Variants in SLC17A8 observed in about 807,000 individuals in gnomAD.
SLC17A8 encodes vesicular glutamate transporter 3.
A neutral mutation model predicts 58.0 loss-of-function variants in SLC17A8; 31 were observed. The observed-to-expected ratio is 0.53, with a 90% CI of 0.40 to 0.72. The LOEUF (loss-of-function observed/expected upper bound fraction) is 0.72. Ranked by LOEUF, SLC17A8 falls within the 30% of genes least tolerant of loss-of-function variation. SLC17A8 has a pLI of 0.00. For missense variants in SLC17A8, 655 were observed against 727.8 expected, an observed-to-expected ratio of 0.90 and a Z score of 1.15; for synonymous variants, 228 against 249.0, an observed-to-expected ratio of 0.92 and a Z score of 0.79.
intron 2 of SLC17A8, among the ~76,000 whole-genome samples, chr12:100,389,471 C>T (rs1233255108): frequency 1.3e-5 from 2 of 152,056 alleles, no homozygotes; most frequent in African/African-American, 4.8e-5. Flanking sequence ...TAGTAAATAA[C>T]TTAGTAGCCC....
chr12:100,385,392 C>T (rs571876819), intron 2 of SLC17A8, among the ~76,000 whole-genome samples: 5 of 152,072 alleles, frequency 3.3e-5, no homozygotes, highest in Admixed American at 2.0e-4. Context: ...CATGCCACAA[C>T]GCCCAGCTAA....
At chr12:100,389,915 G>C (rs980585951) in intron 2 of SLC17A8, among the ~76,000 whole-genome samples, 4 of 151,750 alleles carry the variant, frequency 2.6e-5, no homozygotes, top group Admixed American at 6.6e-5. Flanking sequence ...CTGCCTCTTG[G>C]GTTCAAGTGA....
intron 9 of SLC17A8, among the ~76,000 whole-genome samples, chr12:100,411,708 C>T (rs189539590): frequency 1.4e-4 from 22 of 151,922 alleles, no homozygotes; most frequent in East Asian, 5.8e-4. Context: ...ACTTTTTTTT[C>T]GGGTGAGAAG....
At chr12:100,390,609 A>T (rs1457922702) in intron 2 of SLC17A8, among the ~76,000 whole-genome samples, 1 of 151,672 alleles carries the variant, frequency 6.6e-6, no homozygotes, top group Admixed American at 6.6e-5. Context: ...CAGCCTCCCA[A>T]AGTGCTGGGA....
chr12:100,362,438 T>C (rs1952490892), intron 1 of SLC17A8, among the ~76,000 whole-genome samples: 1 of 152,156 alleles, frequency 6.6e-6, no homozygotes, highest in Admixed American at 6.5e-5. Context: ...CCATGTTGAT[T>C]AGGCTGGTCT....
intron 11 of SLC17A8, among the ~76,000 whole-genome samples, chr12:100,418,514 G>A (rs2136018941): frequency 6.6e-6 from 1 of 152,320 alleles, no homozygotes; most frequent in Admixed American, 6.5e-5. Context: ...AAACCTTATA[G>A]CCTATTTCCA....
rs4015906 is a variant in SLC17A8, at chr12:100,404,502, GCACA to G, written c.1186+360_1186+363del. On this transcript the variant is annotated intron_variant, in intron 9 of 11. Transcript: ENST00000323346. ...GCCTATGCTTGTGCATGGGATATAT[GCACA>G]CACACACACACACACACACACACAC... 9.4e-3 allele frequency: 2,182 copies of G among 232,916 alleles called. 93 individuals carry two copies. The highest frequency in any genetic ancestry group is 0.079 in the Admixed American group (1,614 of 20,344). The allele number at this position is 232,916 out of a possible 1,614,324, so 14.4% of individuals were successfully genotyped here. A position where few individuals can be genotyped will look rare whatever the true frequency, so the allele number is the denominator to read the frequency against.
intron 1 of SLC17A8, among the ~76,000 whole-genome samples, chr12:100,378,250 G>A (rs921965277): frequency 1.3e-5 from 2 of 152,154 alleles, no homozygotes; most frequent in African/African-American, 2.4e-5. Flanking sequence ...TGTTTTCCTG[G>A]AAAAACATAA....
intron 9 of SLC17A8, among the ~76,000 whole-genome samples, chr12:100,412,270 C>G (rs763354131): frequency 1.3e-5 from 2 of 152,044 alleles, no homozygotes; most frequent in Non-Finnish European, 2.9e-5. Flanking sequence ...CATGAAAGTC[C>G]TGGGTGGCAT....
chr12:100,364,539 T>C (rs536585729), intron 1 of SLC17A8, among the ~76,000 whole-genome samples: 5 of 152,316 alleles, frequency 3.3e-5, no homozygotes, highest in African/African-American at 9.6e-5. Flanking sequence ...GCTCTAGCAC[T>C]GGGTGGCTGA....
chr12:100,370,081 G>C (rs1952548855), intron 1 of SLC17A8, among the ~76,000 whole-genome samples: 1 of 151,918 alleles, frequency 6.6e-6, no homozygotes, highest in Non-Finnish European at 1.5e-5. Context: ...GCTTTTTTGA[G>C]CTATCTCCTG....
intron 9 of SLC17A8, among the ~76,000 whole-genome samples, chr12:100,407,647 C>T (rs891861529): frequency 1.6e-4 from 24 of 151,770 alleles, no homozygotes; most frequent in African/African-American, 5.8e-4. Flanking sequence ...GCTCTGTCAC[C>T]CAGGCTGGAG....
intron 1 of SLC17A8, among the ~76,000 whole-genome samples, chr12:100,368,657 C>T (rs1277658084): frequency 2.0e-5 from 3 of 152,160 alleles, no homozygotes; most frequent in Admixed American, 6.5e-5. Context: ...TCAGATTCTA[C>T]GACTCCTGCT....
intron 2 of SLC17A8, among the ~76,000 whole-genome samples, chr12:100,382,282 G>T (rs543248691): frequency 1.3e-5 from 2 of 152,222 alleles, no homozygotes; most frequent in Non-Finnish European, 2.9e-5. Flanking sequence ...AGGTAAGATA[G>T]GAATGGAGGC....
chr12:100,402,232 G>T, intron 6 of SLC17A8, 108 bp from the exon 7 acceptor site: 1 of 1,257,452 alleles, frequency 8.0e-7, no homozygotes, highest in Admixed American at 1.9e-5. Context: ...TACAACATTG[G>T]TACATTACCC....
intron 1 of SLC17A8, among the ~76,000 whole-genome samples, chr12:100,374,827 AGAAAAGT>A (rs937785524): frequency 6.6e-6 from 1 of 152,024 alleles, no homozygotes; most frequent in African/African-American, 2.4e-5. Context: ...CTTTGGGCAA[AGAAAAGT>A]GAGATCCTGT....
chr12:100,404,919 G>T (rs1952816321), intron 9 of SLC17A8, among the ~76,000 whole-genome samples: 1 of 152,188 alleles, frequency 6.6e-6, no homozygotes, highest in Admixed American at 6.5e-5. Flanking sequence ...CTTAGTTTGC[G>T]GCTACCCCTC....
intron 9 of SLC17A8, among the ~76,000 whole-genome samples, chr12:100,408,821 A>C (rs1952844791): frequency 6.6e-6 from 1 of 152,224 alleles, no homozygotes; most frequent in South Asian, 2.1e-4. Context: ...CACTTCTAAG[A>C]CACATATAGT....
At chr12:100,357,857 T>C (rs1007582968) in intron 1 of SLC17A8, among the ~76,000 whole-genome samples, 4 of 152,206 alleles carry the variant, frequency 2.6e-5, no homozygotes, top group African/African-American at 9.6e-5. Context: ...ACTGAAATAA[T>C]TTTTATGTTT....
Sources: allele counts gnomAD v4.1 joint callset (sites outside exome capture counted in the v4.1 genomes callset), GRCh38; gene constraint gnomAD v4.1.1; transcripts MANE v1.5; gene names NCBI Gene and HGNC (gene_info 2026-07-23, HGNC 2026-07-21).